The following CNOT7 variants were observed in gnomAD, a reference collection of about 807,000 sequenced individuals.
CNOT7 encodes the protein BTG1-binding factor 1.
CNOT7 carries 4 observed loss-of-function variants against 37.1 expected under a neutral mutation model. The ratio of observed to expected loss-of-function variants is 0.11; its 90% CI spans 0.05 to 0.25. CNOT7 has a LOEUF of 0.25. CNOT7 is among the 10% of genes least tolerant of loss of function. CNOT7 has a pLI of 1.00. For missense variants in CNOT7, 170 were observed against 336.2 expected (o/e 0.51, Z 3.87); for synonymous variants, 128 against 115.6 (o/e 1.11, Z -0.69).
chr8:17,241,102 C>T (rs1810103435), intron 3 of CNOT7, among the ~76,000 whole-genome samples: 1 of 152,092 alleles, frequency 6.6e-6, no homozygotes, highest in South Asian at 2.1e-4. Context: ...AAGTATCACT[C>T]TGTTGCCCAG....
chr8:17,243,251 T>C (rs1433114296), intron 2 of CNOT7, 66 bp from the exon 3 acceptor site: 5 of 1,284,574 alleles, frequency 3.9e-6, no homozygotes, highest in Admixed American at 4.8e-5. Context: ...ACATTTTTAA[T>C]TTTTGATGCA....
intron 1 of CNOT7, chr8:17,246,308 C>T (rs1177137617): frequency 1.3e-5 from 2 of 152,294 alleles, no homozygotes; most frequent in Non-Finnish European, 2.9e-5. Flanking sequence ...ATAGATAACT[C>T]TCTTCCCTGG....
chr8:17,244,109 G>A (rs938720730), intron 2 of CNOT7, among the ~76,000 whole-genome samples: 2 of 152,156 alleles, frequency 1.3e-5, no homozygotes, highest in Non-Finnish European at 2.9e-5. Flanking sequence ...TGTTATGCTA[G>A]GTGTTGGGAG....
chr8:17,230,618 G>T lies in CNOT7; in HGVS notation c.*102C>A. 1.0e-6 allele frequency: 1 copy of T among 954,160 alleles called. No individual in the cohort carries two copies. Among genetic ancestry groups the T allele is most frequent in the Non-Finnish European group, 1.5e-6 (1 of 676,102 alleles). The allele number at this position is 954,160 out of a possible 1,614,324, so 59.1% of individuals were successfully genotyped here. ...GACAATAAAATGGGCCATGAAAGGG[G>T]GGGGAAAGGTACTGTCTATTGTTCG... On this transcript the variant is annotated 3_prime_UTR_variant, in exon 7 of 7. Coordinates refer to ENST00000361272, the MANE Select transcript of CNOT7 (RefSeq NM_013354.7).
intron 6 of CNOT7, chr8:17,231,807 T>A (rs1808656737): frequency 2.0e-6 from 2 of 985,798 alleles, no homozygotes; most frequent in African/African-American, 3.5e-5. Flanking sequence ...GGAACTGATC[T>A]CTGCCTTTTG....
chr8:17,226,178 T>C lies in CNOT7; in HGVS notation c.*4542A>G, dbSNP rs1387329442. The C allele has an allele frequency of 6.6e-6, 1 of 151,312 alleles. No individual in the cohort carries two copies. Among genetic ancestry groups the C allele is most frequent in the African/African-American group, 2.4e-5 (1 of 41,338 alleles). The allele number at this position is 151,312 out of a possible 1,614,324, so 9.4% of individuals were successfully genotyped here. A position where few individuals can be genotyped will look rare whatever the true frequency, so the allele number is the denominator to read the frequency against. On this transcript the variant is annotated 3_prime_UTR_variant, in exon 7 of 7. Coordinates refer to ENST00000361272, the MANE Select transcript of CNOT7 (RefSeq NM_013354.7). ...TCTAAAAATTGAAAACTCAAAATAT[T>C]GAGTACAATTTTTTTTTCTTTTTTT...
intron 4 of CNOT7, among the ~76,000 whole-genome samples, chr8:17,235,332 T>C (rs1328941599): frequency 6.6e-6 from 1 of 152,206 alleles, no homozygotes; most frequent in Admixed American, 6.5e-5. Flanking sequence ...TTACATAAGG[T>C]GGTCATATAC....
rs564907820 is a variant in CNOT7 at position 17,234,685 on chromosome 8, C to T, written c.618+31G>A. The T allele has an allele frequency of 3.3e-5, 53 of 1,610,970 alleles. 1 individual carries two copies. In the South Asian group the frequency reaches 5.6e-4, roughly 17 times the overall value. The stretch of plus-strand genomic sequence containing the variant: ...ACAGTCACTTGGTCTGAACAGTGTG[C>T]TGCTGTAGATAATGCCATCCGAAGC... On this transcript the variant is annotated intron_variant, in intron 5 of 6. Coordinates refer to ENST00000361272, the MANE Select transcript of CNOT7 (RefSeq NM_013354.7).
At chr8:17,239,686 G>C (rs552076784) in intron 3 of CNOT7, among the ~76,000 whole-genome samples, 3 of 151,956 alleles carry the variant, frequency 2.0e-5, no homozygotes, top group African/African-American at 7.2e-5. Context: ...GTAGATACAG[G>C]GTTTCACCGT....
Position 17,229,406 on chromosome 8 carries a change from A to G in CNOT7, c.*1314T>C, listed in dbSNP as rs903657289. ...GTGACTAACATTTGGAGATTTGCTAATATTACTGATTGAAGTGTAGGTAAC... is the reference window on the plus strand; with the variant it reads ...GTGACTAACATTTGGAGATTTGCTAGTATTACTGATTGAAGTGTAGGTAAC... On this transcript the variant is annotated 3_prime_UTR_variant, in exon 7 of 7. Transcript: ENST00000361272. 2 of 152,358 alleles carry G rather than the reference A, an allele frequency of 1.3e-5. No individual in the cohort carries two copies. Among genetic ancestry groups the G allele is most frequent in the Non-Finnish European group, 2.9e-5 (2 of 67,840 alleles). 9.4% of individuals were successfully genotyped at this position (152,358 alleles called of 1,614,324 possible). A position where few individuals can be genotyped will look rare whatever the true frequency, so the allele number is the denominator to read the frequency against.
At chr8:17,232,715 G>A (rs779060556) in intron 5 of CNOT7, among the ~76,000 whole-genome samples, 178 bp from the exon 6 acceptor site, 24 of 152,040 alleles carry the variant, frequency 1.6e-4, no homozygotes, top group Non-Finnish European at 2.9e-4. Context: ...TGTTGAATGC[G>A]GAAAAAGTAT....
At chr8:17,232,345 T>C in intron 6 of CNOT7, 82 bp downstream of exon 6, 1 of 1,608,180 alleles carries the variant, frequency 6.2e-7, no homozygotes. Flanking sequence ...TAGGTACTTG[T>C]TGCCCAAAAT....
rs1810759344 is a variant in CNOT7, at chr8:17,245,257, TAAA to T, written c.-95-13_-95-11del. On this transcript the variant is annotated splice_polypyrimidine_tract_variant and intron_variant, in intron 1 of 6. Coordinates refer to ENST00000361272, the MANE Select transcript of CNOT7 (RefSeq NM_013354.7). ...TCCTTTATTTATGTACCTGTCAAAA[TAAA>T]AAAACAATATGAAGACCAGATATAT... is the stretch of plus-strand genomic sequence containing the variant. The T allele has an allele frequency of 8.3e-7, 1 of 1,211,000 alleles. No homozygotes were observed. The allele number at this position is 1,211,000 out of a possible 1,614,324, so 75.0% of individuals were successfully genotyped here.
Position 17,225,181 on chromosome 8 carries a change from T to C in CNOT7, c.*5539A>G, listed in dbSNP as rs1359689357. On this transcript the variant is annotated 3_prime_UTR_variant, in exon 7 of 7. Coordinates refer to ENST00000361272, the MANE Select transcript of CNOT7 (RefSeq NM_013354.7). ...TTGCAAACTTGTATTTCCTAACAAT[T>C]TGGAAGCCATGATGATAGTCTGAAG... 2.0e-5 allele frequency: 3 copies of C among 151,764 alleles called. No individual in the cohort carries two copies. The highest frequency in any genetic ancestry group is 4.4e-5 in the Non-Finnish European group (3 of 67,708). The allele number at this position is 151,764 out of a possible 1,614,324, so 9.4% of individuals were successfully genotyped here.
intron 3 of CNOT7, among the ~76,000 whole-genome samples, chr8:17,238,654 C>A (rs546172510): frequency 6.6e-6 from 1 of 152,158 alleles, no homozygotes; most frequent in East Asian, 1.9e-4. Context: ...GGATAAAAAA[C>A]AGATTCTTCT....
chr8:17,231,616 C>T (rs1808624445), intron 6 of CNOT7: 1 of 985,226 alleles, frequency 1.0e-6, no homozygotes, highest in African/African-American at 1.7e-5. Context: ...ATACTCAAAT[C>T]CACAGCGAAT....
chr8:17,239,648 C>T (rs954317680), intron 3 of CNOT7, among the ~76,000 whole-genome samples: 3 of 152,282 alleles, frequency 2.0e-5, no homozygotes, highest in East Asian at 1.9e-4. Flanking sequence ...CTCACCACCA[C>T]ACCCAGCTAA....
At position 17,230,777 on chromosome 8, in the gene CNOT7, G is replaced by A. The variant is rs1397184323; in HGVS notation, c.801C>T (p.Ser267=). 6.2e-7 allele frequency: 1 copy of A among 1,610,234 alleles called. No homozygotes were observed. The highest frequency in any genetic ancestry group is 1.7e-5 in the Admixed American group (1 of 59,854). The stretch of plus-strand genomic sequence containing the variant: ...CATTCCCTGTGCCATTCTGTACATA[G>A]GATGAACCAGAACCAAGGCCATACA... ...GHLYGLGSGS[S]YVQNGTGNAY... is the part of the protein sequence containing the mutation. The change falls in exon 7 of 7, where the codon TCC becomes TCT. Residue 267 remains serine, a synonymous_variant. Coordinates refer to ENST00000361272, the MANE Select transcript of CNOT7 (RefSeq NM_013354.7).
chr8:17,232,613 G>T (rs1808776579), intron 5 of CNOT7, 76 bp from the exon 6 acceptor site: 1 of 1,264,912 alleles, frequency 7.9e-7, no homozygotes, highest in African/African-American at 1.5e-5. Context: ...AAACTTAGAC[G>T]CTGACCAAAA....
Sources: allele counts gnomAD v4.1 joint callset (sites outside exome capture counted in the v4.1 genomes callset), GRCh38; gene constraint gnomAD v4.1.1; transcripts MANE v1.5; gene names NCBI Gene and HGNC (gene_info 2026-07-23, HGNC 2026-07-21).